The following R3HDM2 variants were observed in gnomAD, a reference collection of about 807,000 sequenced individuals.
The protein encoded by R3HDM2 is R3H domain containing 2.
R3HDM2 carries 38 observed loss-of-function variants against 124.5 expected under a neutral mutation model. The ratio of observed to expected loss-of-function variants is 0.31; its 90% CI spans 0.24 to 0.40. The LOEUF (loss-of-function observed/expected upper bound fraction) is 0.40. Among genes scored for constraint, R3HDM2 ranks in the 10% least tolerant of loss-of-function variants. The pLI, the probability that R3HDM2 is intolerant of heterozygous loss-of-function variation, is 1.00. For missense variants in R3HDM2, 869 were observed against 1,236.9 expected, an observed-to-expected ratio of 0.70 and a Z score of 4.46; for synonymous variants, 391 against 448.0, an observed-to-expected ratio of 0.87 and a Z score of 1.61.
At chr12:57,342,495 G>GACACAC (rs36014724) in intron 2 of R3HDM2, among the ~76,000 whole-genome samples, 17 of 149,070 alleles carry the variant, frequency 1.1e-4, no homozygotes, top group South Asian at 1.1e-3. Flanking sequence ...GGCACACACA[G>GACACAC]ACACACACAC....
At chr12:57,381,046 A>G (rs1454653318) in intron 2 of R3HDM2, among the ~76,000 whole-genome samples, 1 of 151,886 alleles carries the variant, frequency 6.6e-6, no homozygotes, top group Non-Finnish European at 1.5e-5. Flanking sequence ...CCTGGCTAAC[A>G]TGGTGAAACC....
chr12:57,360,372 G>GA (rs2061784553), intron 2 of R3HDM2, among the ~76,000 whole-genome samples: 2 of 151,682 alleles, frequency 1.3e-5, no homozygotes, highest in African/African-American at 4.8e-5. Context: ...GCAACAATTT[G>GA]AAAAAAACTT....
chr12:57,324,227 A>AGAT (rs2056921481), intron 2 of R3HDM2, among the ~76,000 whole-genome samples: 1 of 152,236 alleles, frequency 6.6e-6, no homozygotes, highest in African/African-American at 2.4e-5. Context: ...CTTGTTGCCC[A>AGAT]GGCTAGAGTG....
At chr12:57,288,735 C>A in intron 12 of R3HDM2, 1 of 863,108 alleles carries the variant, frequency 1.2e-6, no homozygotes. Context: ...GTTGCAAAAA[C>A]CACAAATTTA....
chr12:57,403,001 A>T (rs926862133), intron 1 of R3HDM2, among the ~76,000 whole-genome samples: 5 of 152,172 alleles, frequency 3.3e-5, no homozygotes, highest in African/African-American at 1.2e-4. Flanking sequence ...TAAAGCACAA[A>T]AACTGGTAAT....
chr12:57,363,575 C>T (rs2062204777), intron 2 of R3HDM2, among the ~76,000 whole-genome samples: 1 of 152,126 alleles, frequency 6.6e-6, no homozygotes, highest in Non-Finnish European at 1.5e-5. Context: ...TAAGAGGATA[C>T]TAAATGGTCC....
chr12:57,418,274 T>C, intron 1 of R3HDM2: 1 of 985,434 alleles, frequency 1.0e-6, no homozygotes, highest in African/African-American at 1.7e-5. Flanking sequence ...ATCTGCTCTT[T>C]TCAGCTCTGA....
intron 2 of R3HDM2, among the ~76,000 whole-genome samples, chr12:57,342,793 G>A (rs1395652292): frequency 1.3e-5 from 2 of 152,098 alleles, no homozygotes; most frequent in Non-Finnish European, 2.9e-5. Context: ...AAAGCTACTG[G>A]GCTGGACTTT....
At chr12:57,376,947 TA>T (rs10707885) in intron 2 of R3HDM2, among the ~76,000 whole-genome samples, 146,867 of 150,924 alleles carry the variant, frequency 0.97, 71,598 homozygotes, top group Middle Eastern at 1. Flanking sequence ...TGAGACTCAG[TA>T]AAAAAAATAA....
At chr12:57,346,364 A>C (rs2060090618) in intron 2 of R3HDM2, among the ~76,000 whole-genome samples, 1 of 145,364 alleles carries the variant, frequency 6.9e-6, no homozygotes, top group Admixed American at 6.9e-5. Flanking sequence ...AGGCTGAGGC[A>C]GGAGAATCAC....
chr12:57,406,135 G>A (rs1278923725), intron 1 of R3HDM2, among the ~76,000 whole-genome samples: 3 of 151,898 alleles, frequency 2.0e-5, no homozygotes, highest in African/African-American at 2.4e-5. Context: ...CAGCCTGACC[G>A]ACATGGTGAA....
intron 1 of R3HDM2, among the ~76,000 whole-genome samples, chr12:57,423,833 G>T (rs920234983): frequency 4.9e-5 from 6 of 121,864 alleles, no homozygotes; most frequent in Admixed American, 1.0e-4. Context: ...AAAAAAAAAA[G>T]GCCAGGTGCA....
At chr12:57,288,886 AGAAGAAAAG>A (rs1201596919) in intron 12 of R3HDM2, 114 bp downstream of exon 12, 1 of 1,551,556 alleles carries the variant, frequency 6.4e-7, no homozygotes, top group South Asian at 1.2e-5. Context: ...TGTGAGAGCT[AGAAGAAAAG>A]GCTTCTTTGG....
intron 1 of R3HDM2, among the ~76,000 whole-genome samples, chr12:57,403,216 G>A (rs2068204882): frequency 1.3e-5 from 2 of 152,084 alleles, no homozygotes; most frequent in Non-Finnish European, 1.5e-5. Flanking sequence ...CAATTTGCCG[G>A]GTGCTGGTGG....
intron 1 of R3HDM2, among the ~76,000 whole-genome samples, chr12:57,402,132 TAAAAATACA>T (rs1315803041): frequency 6.6e-6 from 1 of 151,668 alleles, no homozygotes; most frequent in African/African-American, 2.4e-5. Context: ...CCATCTCTAC[TAAAAATACA>T]AAAATTAGCC....
intron 4 of R3HDM2, 102 bp from the exon 5 acceptor site, chr12:57,300,283 T>A: frequency 1.0e-6 from 1 of 1,001,816 alleles, no homozygotes; most frequent in Non-Finnish European, 1.5e-6. Context: ...AAAAGTGTCC[T>A]CTTTGGCTCT....
At chr12:57,283,173 A>G (rs911655678) in intron 13 of R3HDM2, among the ~76,000 whole-genome samples, 16 of 152,208 alleles carry the variant, frequency 1.1e-4, no homozygotes, top group African/African-American at 3.9e-4. Context: ...AGCCTCTACA[A>G]TCTCAAGAGT....
intron 1 of R3HDM2, among the ~76,000 whole-genome samples, chr12:57,424,207 G>A (rs1002740844): frequency 1.3e-4 from 19 of 151,306 alleles, no homozygotes; most frequent in African/African-American, 4.4e-4. Context: ...GCTACAGGCT[G>A]GAGTACAGTG....
chr12:57,272,428 C>A, intron 14 of R3HDM2: 1 of 1,530,966 alleles, frequency 6.5e-7, no homozygotes, highest in East Asian at 2.5e-5. Context: ...ATGAACAAGA[C>A]AAAAAGGGGG....
Sources: allele counts gnomAD v4.1 joint callset (sites outside exome capture counted in the v4.1 genomes callset), GRCh38; gene constraint gnomAD v4.1.1; transcripts MANE v1.5; gene names NCBI Gene and HGNC (gene_info 2026-07-23, HGNC 2026-07-21).